KIAA0319L: variants seen among roughly 807,000 people sequenced by gnomAD.
KIAA0319L encodes dyslexia-associated protein KIAA0319-like protein.
Under a neutral mutation model 120.1 loss-of-function variants are expected in KIAA0319L, and 55 were observed. The observed-to-expected ratio is 0.46, with a 90% confidence interval of 0.37 to 0.57. The LOEUF is 0.57. KIAA0319L is among the 20% of genes least tolerant of loss of function. The pLI is 0.00. For missense variants in KIAA0319L, 1,049 were observed against 1,255.3 expected, an observed-to-expected ratio of 0.84 and a Z score of 2.48; for synonymous variants, 398 against 471.9, an observed-to-expected ratio of 0.84 and a Z score of 2.03.
intron 14 of KIAA0319L, 73 bp from the exon 15 acceptor site, chr1:35,450,078 C>T: frequency 6.4e-7 from 1 of 1,567,914 alleles, no homozygotes; most frequent in Non-Finnish European, 8.8e-7. Flanking sequence ...TTGCTGCTTT[C>T]ACCATAACTA....
At chr1:35,518,520 A>G (rs1011134001) in intron 2 of KIAA0319L, among the ~76,000 whole-genome samples, 16 of 152,192 alleles carry the variant, frequency 1.1e-4, no homozygotes, top group Admixed American at 2.0e-4. Flanking sequence ...GCATGAACAC[A>G]AAGAAGGGAA....
intron 5 of KIAA0319L, among the ~76,000 whole-genome samples, chr1:35,473,709 G>C (rs113998480): frequency 0.021 from 3,271 of 152,236 alleles, 111 homozygotes; most frequent in African/African-American, 0.073. Flanking sequence ...AGGGCATTTT[G>C]CTTCTGGAAA....
Position 35,437,932 on chromosome 1 carries a change from C to T in KIAA0319L, c.2963-2851G>A, listed in dbSNP as rs1353862654. Among the ~76,000 whole-genome samples the T allele has an allele frequency of 6.6e-6, 1 of 152,186 alleles. No individual in the cohort carries two copies. Among genetic ancestry groups the T allele is most frequent in the Non-Finnish European group, 1.5e-5 (1 of 68,030 alleles). ...AACAGCACTATCATTCTCCATCTCT[C>T]GGTTGGAAGTCAGCCCTGACCTTGC... is the stretch of plus-strand genomic sequence containing the variant. On this transcript the variant is annotated intron_variant, in intron 20 of 20. Transcript: ENST00000325722. The surrounding 1 kb of genome is among the most constrained non-coding windows in gnomAD (Gnocchi z 4.1).
intron 1 of KIAA0319L, among the ~76,000 whole-genome samples, chr1:35,555,492 C>T (rs1285132552): frequency 1.3e-5 from 2 of 152,216 alleles, no homozygotes; most frequent in African/African-American, 4.8e-5. Context: ...CAAGAAAAGG[C>T]TTTTGCAGAA....
chr1:35,518,352 T>C (rs1385693205), intron 2 of KIAA0319L, among the ~76,000 whole-genome samples: 1 of 152,182 alleles, frequency 6.6e-6, no homozygotes, highest in Non-Finnish European at 1.5e-5. Context: ...AAAGAAAATG[T>C]GGTACATATA....
chr1:35,539,505 AT>A (rs1646712256), intron 2 of KIAA0319L, among the ~76,000 whole-genome samples: 1 of 152,216 alleles, frequency 6.6e-6, no homozygotes, highest in South Asian at 2.1e-4. Flanking sequence ...GCTGAGAGCA[AT>A]TTTGAAAACC....
chr1:35,524,903 T>C (rs564832371), intron 2 of KIAA0319L, among the ~76,000 whole-genome samples: 2 of 152,206 alleles, frequency 1.3e-5, no homozygotes, highest in Admixed American at 1.3e-4. Context: ...TTGTTAACTA[T>C]AGTTACCCTA....
At chr1:35,447,958 G>A (rs140103546) in intron 16 of KIAA0319L, among the ~76,000 whole-genome samples, 277 of 152,238 alleles carry the variant, frequency 1.8e-3, no homozygotes, top group African/African-American at 6.4e-3. Flanking sequence ...TGTCAAAATA[G>A]TTGACCTCCT....
chr1:35,549,535 G>A (rs1647119705), intron 2 of KIAA0319L, among the ~76,000 whole-genome samples: 1 of 152,190 alleles, frequency 6.6e-6, no homozygotes, highest in African/African-American at 2.4e-5. Flanking sequence ...GTAGGGAAAT[G>A]TCAGTACAAG....
rs559182799 is a variant in KIAA0319L at position 35,466,494 on chromosome 1, C to T, written c.1201+114G>A. The T allele has an allele frequency of 1.0e-5, 7 of 683,660 alleles. No homozygotes were observed. The African/African-American group carries it at 1.3e-4, about 12-fold the overall frequency. 42.3% of individuals were successfully genotyped at this position (683,660 alleles called of 1,614,324 possible). ...ATTCACCACATTGAACTAGGAATTGCTGAATAAATACATTACAAAAAAAAT... is the reference window on the plus strand; with the variant it reads ...ATTCACCACATTGAACTAGGAATTGTTGAATAAATACATTACAAAAAAAAT... On this transcript the variant is annotated intron_variant, in intron 7 of 20. Coordinates refer to ENST00000325722, the MANE Select transcript of KIAA0319L (RefSeq NM_024874.5).
chr1:35,461,846 T>C (rs1642916126), intron 8 of KIAA0319L, among the ~76,000 whole-genome samples: 1 of 152,086 alleles, frequency 6.6e-6, no homozygotes, highest in Admixed American at 6.6e-5. Flanking sequence ...CTCCTCTTCT[T>C]GCCAGCACCA....
intron 17 of KIAA0319L, chr1:35,443,238 C>A: frequency 1.8e-6 from 1 of 554,942 alleles, no homozygotes; most frequent in Non-Finnish European, 3.2e-6. Context: ...ACACTTCCAG[C>A]CTGTCTTCAC....
chr1:35,453,923 T>G lies in KIAA0319L; in HGVS notation c.1781-234A>C, dbSNP rs1642248061. Among the ~76,000 whole-genome samples the G allele has an allele frequency of 6.6e-6, 1 of 152,196 alleles. No individual in the cohort carries two copies. Among genetic ancestry groups the G allele is most frequent in the African/African-American group, 2.4e-5 (1 of 41,446 alleles). On this transcript the variant is annotated intron_variant, in intron 11 of 20. Transcript: ENST00000325722. This position sits in a 1 kb window ranked among gnomAD's most constrained non-coding sequence, Gnocchi z 4.1. ...ACATAATGAAGTTATAATGCCATAC[T>G]AAACTTGAACTCTAATGCTAAGGGA... is the stretch of plus-strand genomic sequence containing the variant.
At chr1:35,495,591 T>G (rs536815859) in intron 3 of KIAA0319L, among the ~76,000 whole-genome samples, 2 of 152,284 alleles carry the variant, frequency 1.3e-5, no homozygotes, top group Non-Finnish European at 2.9e-5. Context: ...AGAGCTTGTA[T>G]GCAGAAAATA....
intron 2 of KIAA0319L, among the ~76,000 whole-genome samples, chr1:35,553,986 A>G (rs1005520455): frequency 6.6e-6 from 1 of 152,258 alleles, no homozygotes; most frequent in African/African-American, 2.4e-5. Context: ...GCTGTGCTAC[A>G]TGCTTTAATT....
chr1:35,521,578 G>A (rs1258034996), intron 2 of KIAA0319L, among the ~76,000 whole-genome samples: 1 of 151,778 alleles, frequency 6.6e-6, no homozygotes, highest in Non-Finnish European at 1.5e-5. Context: ...AGCTTGCAAT[G>A]AGCCAAGATG....
chr1:35,516,372 C>T (rs1255027491), intron 2 of KIAA0319L, among the ~76,000 whole-genome samples: 3 of 152,140 alleles, frequency 2.0e-5, no homozygotes, highest in African/African-American at 7.2e-5. Flanking sequence ...GGGCTTCATC[C>T]CCAGGATGCA....
intron 2 of KIAA0319L, among the ~76,000 whole-genome samples, chr1:35,540,931 C>CAATGTATT (rs1646761835): frequency 6.6e-6 from 1 of 152,010 alleles, no homozygotes; most frequent in South Asian, 2.1e-4. Context: ...TCTTGCTCAC[C>CAATGTATT]AATGTATTAA....
intron 2 of KIAA0319L, among the ~76,000 whole-genome samples, chr1:35,515,749 G>C (rs2148428015): frequency 6.6e-6 from 1 of 152,060 alleles, no homozygotes; most frequent in East Asian, 1.9e-4. Flanking sequence ...AAATTCAAAA[G>C]ATCAACAAAT....
Sources: gnomAD v4.1 joint callset for allele counts (sites outside exome capture counted in the v4.1 genomes callset) on GRCh38, gnomAD v4.1.1 for gene constraint, Gnocchi (gnomAD v3.1) non-coding constraint, MANE v1.5 for transcripts, NCBI Gene and HGNC (gene_info 2026-07-23, HGNC 2026-07-21) for gene names.